EMILIN2: variants seen among roughly 807,000 people sequenced by gnomAD.
The protein encoded by EMILIN2 is elastin microfibril interfacer 2, also known as EMILIN-2.
Under a neutral mutation model 87.1 loss-of-function variants are expected in EMILIN2, and 71 were observed. The observed-to-expected ratio is 0.82, with a 90% CI of 0.67 to 0.99. The LOEUF (loss-of-function observed/expected upper bound fraction) is 0.99. Among genes scored for constraint, EMILIN2 ranks in the 50% least tolerant of loss-of-function variants. The pLI is 0.00. For synonymous variants in EMILIN2, 581 were observed against 563.4 expected (o/e 1.03, Z -0.44); for missense variants, 1,407 against 1,371.8 (o/e 1.03, Z -0.40).
intron 4 of EMILIN2, among the ~76,000 whole-genome samples, chr18:2,899,445 A>G (rs527797042): frequency 6.6e-6 from 1 of 152,338 alleles, no homozygotes; most frequent in East Asian, 1.9e-4. Flanking sequence ...AAAATCAAGC[A>G]GTATAGATCC....
Position 2,882,743 on chromosome 18 carries a change from C to T in EMILIN2, c.258-2221C>T, listed in dbSNP as rs187922805. On this transcript the variant is annotated intron_variant, in intron 2 of 7. Coordinates refer to ENST00000254528, the MANE Select transcript of EMILIN2 (RefSeq NM_032048.3). ...ACTAAAAATACAAAAAATAACCAGG[C>T]ATGGTGGTGGGTGCCTGTAATCCCA... Among the ~76,000 whole-genome samples, 4 of 152,126 alleles carry T rather than the reference C, an allele frequency of 2.6e-5. No homozygotes were observed. The East Asian group carries it at 7.7e-4, about 29-fold the overall frequency.
Position 2,891,692 on chromosome 18 carries a change from C to A in EMILIN2, c.1565C>A (p.Ala522Glu), listed in dbSNP as rs771716692. 6.2e-7 allele frequency: 1 copy of A among 1,614,116 alleles called. No individual in the cohort carries two copies. The highest frequency in any genetic ancestry group is 8.5e-7 in the Non-Finnish European group (1 of 1,180,006). ...GCAGAGCTCAGTCCCCCAGGGGCAGCAGCCCTGCCAGGAGTGTCAGGGTCA... is the reference window on the plus strand; with the variant it reads ...GCAGAGCTCAGTCCCCCAGGGGCAGAAGCCCTGCCAGGAGTGTCAGGGTCA... ...TGAELSPPGA[A>E]ALPGVSGSGD... The change falls in exon 4 of 8, where the codon GCA (alanine) becomes GAA (glutamate). Residue 522 changes from alanine (A) to glutamate (E), a missense_variant. By Grantham distance (107) the Ala-to-Glu change is moderately radical. Coordinates refer to ENST00000254528, the MANE Select transcript of EMILIN2 (RefSeq NM_032048.3). This position sits in a 1 kb window ranked among gnomAD's most constrained non-coding sequence, Gnocchi z 4.6.
rs1420954101 is a variant in EMILIN2 at position 2,890,433 on chromosome 18, C to G, written c.434-128C>G. The G allele has an allele frequency of 1.8e-6, 2 of 1,133,844 alleles. No homozygotes were observed. Among genetic ancestry groups the G allele is most frequent in the South Asian group, 1.7e-5 (1 of 58,090 alleles). The allele number at this position is 1,133,844 out of a possible 1,614,324, so 70.2% of individuals were successfully genotyped here. ...TTTTCTACTGTACCACAGTACTTAC[C>G]TACAATTGTGTAGTGACCTGTAAGT... On this transcript the variant is annotated intron_variant, in intron 3 of 7. Coordinates refer to ENST00000254528, the MANE Select transcript of EMILIN2 (RefSeq NM_032048.3). This position sits in a 1 kb window ranked among gnomAD's most constrained non-coding sequence, Gnocchi z 4.7.
chr18:2,847,370 GC>G lies in EMILIN2; in HGVS notation c.134+53del. The G allele has an allele frequency of 6.3e-6, 8 of 1,266,482 alleles. No individual in the cohort carries two copies. The highest frequency in any genetic ancestry group is 1.6e-5 in the African/African-American group (1 of 63,660). The allele number at this position is 1,266,482 out of a possible 1,614,324, so 78.5% of individuals were successfully genotyped here. On this transcript the variant is annotated intron_variant, in intron 1 of 7. Transcript: ENST00000254528. This position sits in a 1 kb window ranked among gnomAD's most constrained non-coding sequence, Gnocchi z 4.5. ...GCCCCAAACCGCCTACCCCTCCCCG[GC>G]CCCCAGTTGAGCCCCAGAGCTGCCC...
chr18:2,853,293 G>T (rs892857968), intron 2 of EMILIN2, among the ~76,000 whole-genome samples: 3 of 152,156 alleles, frequency 2.0e-5, no homozygotes, highest in African/African-American at 7.2e-5. Flanking sequence ...TGAACAGTCT[G>T]GTAGATCCTG....
intron 4 of EMILIN2, among the ~76,000 whole-genome samples, chr18:2,901,531 C>T (rs760106492): frequency 1.3e-5 from 2 of 152,240 alleles, no homozygotes; most frequent in African/African-American, 4.8e-5. Context: ...AATCCCTACA[C>T]GTCAGGTTCA....
chr18:2,847,299 C>G lies in EMILIN2; in HGVS notation c.111C>G (p.Pro37=). The G allele has an allele frequency of 1.5e-6, 2 of 1,318,404 alleles. No individual in the cohort carries two copies. Among genetic ancestry groups the G allele is most frequent in the Admixed American group, 4.0e-5 (1 of 25,010 alleles). The allele number at this position is 1,318,404 out of a possible 1,614,324, so 81.7% of individuals were successfully genotyped here. A position where few individuals can be genotyped will look rare whatever the true frequency, so the allele number is the denominator to read the frequency against. The change falls in exon 1 of 8, where the codon CCC becomes CCG. Residue 37 remains proline (P), a synonymous_variant. Transcript: ENST00000254528. The surrounding 1 kb of genome is among the most constrained non-coding windows in gnomAD (Gnocchi z 4.5). Reference sequence around the variant, plus strand: ...ACGCCGGCCCGCAGCCCGGGTATCCCGCGCGGCCCAGCGCCAGGAACAAGT... The same window carrying G: ...ACGCCGGCCCGCAGCCCGGGTATCCGGCGCGGCCCAGCGCCAGGAACAAGT... ...LCHAGPQPGY[P]ARPSARNKNW...
rs1018404227 is a variant in EMILIN2, at chr18:2,848,008, G to C, written c.257+77G>C. On this transcript the variant is annotated intron_variant, in intron 2 of 7. Coordinates refer to ENST00000254528, the MANE Select transcript of EMILIN2 (RefSeq NM_032048.3). This position sits in a 1 kb window ranked among gnomAD's most constrained non-coding sequence, Gnocchi z 4.1. Reference sequence around the variant, plus strand: ...GGGGTGGGGTGGGGTTGCTGCGCTGGGCTCCAGTCCCTCCGGTAAATCCCT... The same window carrying C: ...GGGGTGGGGTGGGGTTGCTGCGCTGCGCTCCAGTCCCTCCGGTAAATCCCT... 6.9e-6 allele frequency: 10 copies of C among 1,447,090 alleles called. No homozygotes were observed. The highest frequency in any genetic ancestry group is 4.6e-5 in the Admixed American group (2 of 43,026). The allele number at this position is 1,447,090 out of a possible 1,614,324, so 89.6% of individuals were successfully genotyped here. A position where few individuals can be genotyped will look rare whatever the true frequency, so the allele number is the denominator to read the frequency against.
In EMILIN2 at chr18:2,909,752, T is replaced by C. The variant is rs939992500; in HGVS notation, c.2757T>C (p.Ser919=). 1.2e-6 allele frequency: 2 copies of C among 1,613,418 alleles called. No homozygotes were observed. Among genetic ancestry groups the C allele is most frequent in the Non-Finnish European group, 1.7e-6 (2 of 1,179,758 alleles). The change falls in exon 7 of 8, where the codon AGT becomes AGC. Residue 919 remains serine (S), a synonymous_variant. Transcript: ENST00000254528. ...GGCTCACCCAGAAGCCTTTCCCCAG[T>C]GATGGGGGCGTTGTCCTCTTTAACA... ...SAGLTQKPFP[S]DGGVVLFNKV...
chr18:2,852,936 C>T (rs1256578192), intron 2 of EMILIN2, among the ~76,000 whole-genome samples: 1 of 152,200 alleles, frequency 6.6e-6, no homozygotes, highest in African/African-American at 2.4e-5. Flanking sequence ...GAGGAGGGCT[C>T]TGGATCCTCC....
At chr18:2,870,778 C>T (rs796529059) in intron 2 of EMILIN2, among the ~76,000 whole-genome samples, 1 of 152,100 alleles carries the variant, frequency 6.6e-6, no homozygotes, top group Admixed American at 6.6e-5. Flanking sequence ...CACAGGGGGT[C>T]GTAGATCAAG....
intron 2 of EMILIN2, among the ~76,000 whole-genome samples, chr18:2,867,939 G>C (rs867732489): frequency 6.6e-6 from 1 of 151,450 alleles, no homozygotes; most frequent in Non-Finnish European, 1.5e-5. Context: ...GGGCAGAGGC[G>C]CCCCTCACCT....
chr18:2,890,536 A>G lies in EMILIN2; in HGVS notation c.434-25A>G. On this transcript the variant is annotated intron_variant, in intron 3 of 7. Coordinates refer to ENST00000254528, the MANE Select transcript of EMILIN2 (RefSeq NM_032048.3). This position sits in a 1 kb window ranked among gnomAD's most constrained non-coding sequence, Gnocchi z 4.7. ...GGCTAAAGGTAGAAAATGTTCATTCATGTCCAACTTTATCTTTGTAACAGA... is the reference window on the plus strand; with the variant it reads ...GGCTAAAGGTAGAAAATGTTCATTCGTGTCCAACTTTATCTTTGTAACAGA... 6.6e-7 allele frequency: 1 copy of G among 1,525,688 alleles called. No homozygotes were observed. The highest frequency in any genetic ancestry group is 1.3e-5 in the South Asian group (1 of 76,924). 94.5% of individuals were successfully genotyped at this position (1,525,688 alleles called of 1,614,324 possible).
chr18:2,888,714 CAAAAA>C (rs530260960), intron 3 of EMILIN2, among the ~76,000 whole-genome samples: 3 of 82,038 alleles, frequency 3.7e-5, no homozygotes, highest in Admixed American at 1.5e-4. Context: ...GATTCTGTCT[CAAAAA>C]AAAAAAAAAA....
Position 2,915,859 on chromosome 18 carries a change from A to G in EMILIN2, c.*2455A>G, listed in dbSNP as rs894599208. On this transcript the variant is annotated 3_prime_UTR_variant, in exon 8 of 8. Coordinates refer to ENST00000254528, the MANE Select transcript of EMILIN2 (RefSeq NM_032048.3). ...TTCTGATATCAAGTTGTTGCTGAGA[A>G]AAGGTCAGGACACTTCTTAAGTAGA... is the stretch of plus-strand genomic sequence containing the variant. 8.5e-5 allele frequency: 13 copies of G among 152,186 alleles called. No homozygotes were observed. The highest frequency in any genetic ancestry group is 3.9e-4 in the Admixed American group (6 of 15,280). 9.4% of individuals were successfully genotyped at this position (152,186 alleles called of 1,614,324 possible). A position where few individuals can be genotyped will look rare whatever the true frequency, so the allele number is the denominator to read the frequency against.
At position 2,889,241 on chromosome 18, in the gene EMILIN2, G is replaced by A. The variant is rs1237055115; in HGVS notation, c.434-1320G>A. On this transcript the variant is annotated intron_variant, in intron 3 of 7. Coordinates refer to ENST00000254528, the MANE Select transcript of EMILIN2 (RefSeq NM_032048.3). ...CAACCTCCGCCTCCTGGGTTCAAGCGATTTTTCTGTCTCAGCCTCCCTAGT... is the reference window on the plus strand; with the variant it reads ...CAACCTCCGCCTCCTGGGTTCAAGCAATTTTTCTGTCTCAGCCTCCCTAGT... 2.7e-5 allele frequency among the ~76,000 whole-genome samples: 4 copies of A among 146,862 alleles called. No individual in the cohort carries two copies. The East Asian group carries it at 6.1e-4, about 22-fold the overall frequency.
At position 2,891,433 on chromosome 18, in the gene EMILIN2, C is replaced by G; in HGVS notation, c.1306C>G (p.Arg436Gly). 1 of 1,614,114 alleles carries G rather than the reference C, an allele frequency of 6.2e-7. No individual in the cohort carries two copies. The highest frequency in any genetic ancestry group is 8.5e-7 in the Non-Finnish European group (1 of 1,180,018). ...LNGRLDNEFD[R>G]LIVPEPDVDF... The stretch of plus-strand genomic sequence containing the variant: ...TGGAAGACTGGACAATGAGTTTGAC[C>G]GCCTTATAGTTCCAGAGCCAGATGT... The change falls in exon 4 of 8, where the codon CGC becomes GGC. Residue 436 changes from arginine to glycine, a missense_variant. Coordinates refer to ENST00000254528, the MANE Select transcript of EMILIN2 (RefSeq NM_032048.3). This position sits in a 1 kb window ranked among gnomAD's most constrained non-coding sequence, Gnocchi z 4.6.
intron 2 of EMILIN2, among the ~76,000 whole-genome samples, chr18:2,879,175 C>T (rs986675427): frequency 5.3e-5 from 8 of 152,094 alleles, no homozygotes; most frequent in East Asian, 3.9e-4. Context: ...AACAGATGCG[C>T]GCCTGCTGCT....
chr18:2,848,156 G>C lies in EMILIN2; in HGVS notation c.257+225G>C, dbSNP rs565267833. Among the ~76,000 whole-genome samples the C allele has an allele frequency of 6.6e-6, 1 of 152,360 alleles. No homozygotes were observed. The highest frequency in any genetic ancestry group is 6.5e-5 in the Admixed American group (1 of 15,314). ...GAGTGGGGAGGATGCGCGCGCCTCG[G>C]GAGTGTGGGGTCGCGGGGGCGTAGG... On this transcript the variant is annotated intron_variant, in intron 2 of 7. Coordinates refer to ENST00000254528, the MANE Select transcript of EMILIN2 (RefSeq NM_032048.3). The surrounding 1 kb of genome is among the most constrained non-coding windows in gnomAD (Gnocchi z 4.1).
Sources: gnomAD v4.1 joint callset for allele counts (sites outside exome capture counted in the v4.1 genomes callset) on GRCh38, gnomAD v4.1.1 for gene constraint, Gnocchi (gnomAD v3.1) non-coding constraint, MANE v1.5 for transcripts, NCBI Gene and HGNC (gene_info 2026-07-23, HGNC 2026-07-21) for gene names.